GAK: variants seen among roughly 807,000 people sequenced by gnomAD.
GAK encodes the protein cyclin-G-associated kinase.
A neutral mutation model predicts 143.9 loss-of-function variants in GAK; 79 were observed. That is an observed-to-expected ratio of 0.55 (90% CI 0.46 to 0.66). The LOEUF is 0.66. Among genes scored for constraint, GAK ranks in the 30% least tolerant of loss-of-function variants. The probability of loss-of-function intolerance (pLI) is 0.00; values close to 1 mark genes in which losing one functional copy is unlikely to be tolerated. For synonymous variants in GAK, 881 were observed against 765.5 expected (o/e 1.15, Z -2.49); for missense variants, 1,693 against 1,779.7 (o/e 0.95, Z 0.88).
In GAK at chr4:894,002, C is replaced by A; in HGVS notation, c.749G>T (p.Gly250Val). ...GAAGCACAGCAGGTACAAGATGCAG[C>A]CCAGGGCCTGCGGGGAGAGCAGGGG... The part of the protein sequence containing the change: ...IGEKQDIWAL[G>V]CILYLLCFRQ... The change falls in exon 8 of 28, where the codon GGC (glycine) becomes GTC (valine). Residue 250 changes from glycine (G) to valine (V), a missense_variant. By Grantham distance (109) the Gly-to-Val change is moderately radical (BLOSUM62 -3). Around this residue, in one of 2 missense-constraint regions of GAK, gnomAD observed 871 missense variants for 991.0 expected, o/e 0.88. Coordinates refer to ENST00000314167, the MANE Select transcript of GAK (RefSeq NM_005255.4). 1 of 1,605,724 alleles carries A rather than the reference C, an allele frequency of 6.2e-7. No individual in the cohort carries two copies. The highest frequency in any genetic ancestry group is 1.1e-5 in the South Asian group (1 of 89,814).
chr4:931,220 C>A (rs1725684867), intron 1 of GAK, among the ~76,000 whole-genome samples: 1 of 152,228 alleles, frequency 6.6e-6, no homozygotes. Flanking sequence ...AGAGACAAAA[C>A]TGACTCAAGA....
In GAK at chr4:868,697, G is replaced by A. The variant is rs771656912; in HGVS notation, c.2249-12C>T. On this transcript the variant is annotated splice_polypyrimidine_tract_variant and intron_variant, in intron 19 of 27. Transcript: ENST00000314167. ...AAGCTCCGGCTTCCCTGCAGGAGAG[G>A]GAGGGCGTCAGGGCACTGGCACTGG... 6.5e-7 allele frequency: 1 copy of A among 1,547,440 alleles called. No individual in the cohort carries two copies. Among genetic ancestry groups the A allele is most frequent in the South Asian group, 1.2e-5 (1 of 84,024 alleles).
chr4:909,253 G>A (rs541419531), intron 4 of GAK, among the ~76,000 whole-genome samples: 15 of 152,360 alleles, frequency 9.8e-5, no homozygotes, highest in African/African-American at 3.4e-4. Context: ...GCGTGCTCCC[G>A]ACAAATCTTA....
intron 4 of GAK, among the ~76,000 whole-genome samples, chr4:911,268 C>T (rs1204252555): frequency 6.6e-6 from 1 of 152,052 alleles, no homozygotes; most frequent in African/African-American, 2.4e-5. Context: ...CCCTGCTCAA[C>T]ACCGCTCATG....
intron 17 of GAK, 140 bp downstream of exon 17, chr4:876,950 T>C: frequency 1.6e-6 from 1 of 631,228 alleles, no homozygotes. Flanking sequence ...TGTGGGGCAG[T>C]CGCCACATGA....
At chr4:918,604 T>C (rs1331400345) in intron 1 of GAK, among the ~76,000 whole-genome samples, 3 of 152,268 alleles carry the variant, frequency 2.0e-5, no homozygotes, top group Non-Finnish European at 4.4e-5. Flanking sequence ...CATTCCACGA[T>C]GCATATATAC....
intron 23 of GAK, among the ~76,000 whole-genome samples, chr4:864,040 A>G (rs905072192): frequency 4.7e-5 from 7 of 150,410 alleles, no homozygotes; most frequent in Non-Finnish European, 1.0e-4. Context: ...GAAACAAACA[A>G]AAAACCAGAC....
Position 870,772 on chromosome 4 carries a change from C to G in GAK, c.2187G>C (p.Gly729=). 1 of 1,614,114 alleles carries G rather than the reference C, an allele frequency of 6.2e-7. No individual in the cohort carries two copies. Among genetic ancestry groups the G allele is most frequent in the Non-Finnish European group, 8.5e-7 (1 of 1,180,004 alleles). ...APPWENSSMR[G]LNPKILFSSR... ...TGGAAAACAGGATTTTGGGGTTCAG[C>G]CCCCTCATGCTCGAGTTCTCCCATG... The change falls in exon 19 of 28, where the codon GGG becomes GGC. Residue 729 remains glycine, a synonymous_variant. Coordinates refer to ENST00000314167, the MANE Select transcript of GAK (RefSeq NM_005255.4).
At chr4:911,527 G>A in intron 4 of GAK, 146 bp downstream of exon 4, 1 of 571,054 alleles carries the variant, frequency 1.8e-6, no homozygotes, top group South Asian at 2.0e-5. Context: ...ACTACTGTCA[G>A]AGAGCTGCCC....
At chr4:912,942 C>G in intron 2 of GAK, 148 bp from the exon 3 acceptor site, 2 of 531,688 alleles carry the variant, frequency 3.8e-6, no homozygotes, top group Non-Finnish European at 6.5e-6. Flanking sequence ...CACCTCTGAC[C>G]CCTGTAAAAA....
intron 9 of GAK, among the ~76,000 whole-genome samples, chr4:892,072 C>T (rs939287919): frequency 2.6e-5 from 4 of 152,240 alleles, no homozygotes; most frequent in East Asian, 1.9e-4. Flanking sequence ...CCCACGCGGC[C>T]CCCAAGGAAC....
At chr4:851,720 C>A in intron 25 of GAK, 30 bp downstream of exon 25, 2 of 1,601,870 alleles carry the variant, frequency 1.2e-6, no homozygotes, top group Non-Finnish European at 1.7e-6. Context: ...TCTCTGCAAA[C>A]TCCACAGCAA....
chr4:913,359 G>C (rs569210030), intron 2 of GAK, among the ~76,000 whole-genome samples: 2 of 152,316 alleles, frequency 1.3e-5, no homozygotes, highest in South Asian at 2.1e-4. Context: ...CCCACCATGA[G>C]GTCACCCCCA....
At chr4:923,010 T>C (rs1162585785) in intron 1 of GAK, among the ~76,000 whole-genome samples, 1 of 152,094 alleles carries the variant, frequency 6.6e-6, no homozygotes, top group Non-Finnish European at 1.5e-5. Context: ...ATTCTGCACT[T>C]CCCCTTACAC....
At chr4:878,282 G>A (rs561108364) in intron 15 of GAK, among the ~76,000 whole-genome samples, 346 of 152,014 alleles carry the variant, frequency 2.3e-3, no homozygotes, top group Non-Finnish European at 3.5e-3. Flanking sequence ...CCAGCTACTC[G>A]GGAGGGCTAA....
Position 865,239 on chromosome 4 carries a change from G to C in GAK, c.3049C>G (p.Leu1017Val), listed in dbSNP as rs745477940. 1 of 1,613,184 alleles carries C rather than the reference G, an allele frequency of 6.2e-7. No homozygotes were observed. The highest frequency in any genetic ancestry group is 8.5e-7 in the Non-Finnish European group (1 of 1,179,856). ...GTCATCTTGCTGGGCTCTCCTGGCA[G>C]ATCCCCTGGGAAGAAGGAACCAGAA... ...CSADFLHLGD[L>V]PGEPSKMTAS... Residue 1017 changes from leucine (L) to valine (V), a missense_variant, in exon 23 of 28, where the codon CTG becomes GTG. Physicochemically the swap from Leu to Val is conservative, Grantham distance 32. Coordinates refer to ENST00000314167, the MANE Select transcript of GAK (RefSeq NM_005255.4).
chr4:896,568 T>C lies in GAK; in HGVS notation c.652-19A>G. 6.3e-7 allele frequency: 1 copy of C among 1,586,762 alleles called. No homozygotes were observed. Among genetic ancestry groups the C allele is most frequent in the Non-Finnish European group, 8.7e-7 (1 of 1,155,274 alleles). On this transcript the variant is annotated intron_variant, in intron 6 of 27. Coordinates refer to ENST00000314167, the MANE Select transcript of GAK (RefSeq NM_005255.4). Reference sequence around the variant, plus strand: ...TCGTGATCTGAAAAAATACAAACATTTCAAAGGAAAAGTTGCATCCCACAA... The same window carrying C: ...TCGTGATCTGAAAAAATACAAACATCTCAAAGGAAAAGTTGCATCCCACAA...
In GAK at chr4:850,929, C is replaced by T. The variant is rs752033233; in HGVS notation, c.3657+7G>A. 6.2e-7 allele frequency: 1 copy of T among 1,610,616 alleles called. No individual in the cohort carries two copies. Among genetic ancestry groups the T allele is most frequent in the Non-Finnish European group, 8.5e-7 (1 of 1,177,874 alleles). ...GGGCTCCCAGGAAGAGCTGCCCACC[C>T]ACCCACCTTCAGCTTGAGTGGGTCC... On this transcript the variant is annotated splice_region_variant and intron_variant, in intron 26 of 27. Transcript: ENST00000314167.
At chr4:853,112 G>A (rs889272859) in intron 24 of GAK, 1 of 152,124 alleles carries the variant, frequency 6.6e-6, no homozygotes, top group Non-Finnish European at 1.5e-5. Flanking sequence ...TGGTAGGTGT[G>A]AGCCACCATG....
Sources: gnomAD v4.1 joint callset for allele counts (sites outside exome capture counted in the v4.1 genomes callset) on GRCh38, gnomAD v4.1.1 for gene constraint, gnomAD v4.1.1 regional missense constraint, MANE v1.5 for transcripts, NCBI Gene and HGNC (gene_info 2026-07-23, HGNC 2026-07-21) for gene names.